The following PIK3CB variants were observed in gnomAD, a reference collection of about 807,000 sequenced individuals.
PIK3CB encodes phosphatidylinositol 4,5-bisphosphate 3-kinase catalytic subunit beta isoform.
In PIK3CB, 39 loss-of-function variants were observed where a neutral mutation model predicts 136.8. The observed-to-expected ratio is 0.29, with a 90% CI of 0.22 to 0.37. The LOEUF is 0.37. PIK3CB is among the 10% of genes least tolerant of loss of function. The pLI, the probability that PIK3CB is intolerant of heterozygous loss-of-function variation, is 1.00. For missense variants in PIK3CB, 868 were observed against 1,275.4 expected (o/e 0.68, Z 4.87); for synonymous variants, 428 against 436.6 (o/e 0.98, Z 0.25).
intron 21 of PIK3CB, among the ~76,000 whole-genome samples, chr3:138,663,069 T>C (rs2043331241): frequency 6.6e-6 from 1 of 152,012 alleles, no homozygotes; most frequent in Admixed American, 6.6e-5. Context: ...GGGATCTAAT[T>C]AAACTAAAGA....
intron 12 of PIK3CB, among the ~76,000 whole-genome samples, chr3:138,701,970 CTCATT>C (rs1292685356): frequency 2.0e-5 from 3 of 149,936 alleles, no homozygotes; most frequent in Non-Finnish European, 3.0e-5. Flanking sequence ...ATATATAGAT[CTCATT>C]TATTTTAAAG....
intron 19 of PIK3CB, among the ~76,000 whole-genome samples, chr3:138,666,674 G>A (rs972839674): frequency 1.3e-5 from 2 of 152,072 alleles, no homozygotes; most frequent in African/African-American, 4.8e-5. Flanking sequence ...ATCTTGAAAG[G>A]TTCAAATAAA....
intron 8 of PIK3CB, among the ~76,000 whole-genome samples, chr3:138,732,774 G>T (rs181423814): frequency 1.3e-5 from 2 of 150,748 alleles, no homozygotes; most frequent in East Asian, 3.9e-4. Flanking sequence ...TCTAGGCAAG[G>T]CTGAGAGAGG....
At chr3:138,659,002 A>G (rs2043238984) in intron 21 of PIK3CB, among the ~76,000 whole-genome samples, 2 of 152,066 alleles carry the variant, frequency 1.3e-5, no homozygotes, top group Non-Finnish European at 2.9e-5. Context: ...TCCCATTTGG[A>G]GCCCGTTTTG....
In PIK3CB at chr3:138,665,032, T is replaced by G. The variant is rs1364223344; in HGVS notation, c.2672+4A>C. The G allele has an allele frequency of 1.3e-6, 2 of 1,589,190 alleles. No homozygotes were observed. The highest frequency in any genetic ancestry group is 2.7e-5 in the African/African-American group (2 of 74,340). On this transcript the variant is annotated splice_donor_region_variant and intron_variant, in intron 20 of 23. Transcript: ENST00000674063. ...AAAATGATAATTAAACAGAATAAAC[T>G]AACCCAGAGTTGTATTCTTTAAGCC...
chr3:138,762,337 G>A (rs497434), intron 2 of PIK3CB, among the ~76,000 whole-genome samples: 9,982 of 152,280 alleles, frequency 0.066, 1,106 homozygotes, highest in African/African-American at 0.22. Context: ...TCCTTGAGGA[G>A]ATATAATGTC....
intron 4 of PIK3CB, among the ~76,000 whole-genome samples, chr3:138,752,031 A>G (rs2045482331): frequency 6.6e-6 from 1 of 151,814 alleles, no homozygotes; most frequent in Admixed American, 6.6e-5. Flanking sequence ...AAGGTATACC[A>G]CAGGTTTAGA....
chr3:138,797,124 T>C, intron 1 of PIK3CB: 1 of 161,208 alleles, frequency 6.2e-6, no homozygotes, highest in East Asian at 1.6e-4. Context: ...GTGAAGAAGC[T>C]CTAGGACACT....
At chr3:138,742,531 A>C in intron 5 of PIK3CB, 27 bp downstream of exon 5, 1 of 1,143,162 alleles carries the variant, frequency 8.7e-7, no homozygotes, top group South Asian at 1.4e-5. Context: ...TTATTACAAA[A>C]TATTTCTTAA....
At chr3:138,824,737 A>T (rs550149822) in intron 1 of PIK3CB, among the ~76,000 whole-genome samples, 6 of 151,730 alleles carry the variant, frequency 4.0e-5, no homozygotes, top group Admixed American at 3.3e-4. Context: ...ATTCTCGGGG[A>T]GAAGGGGGGT....
chr3:138,689,477 G>A (rs1439825145), intron 15 of PIK3CB, among the ~76,000 whole-genome samples: 1 of 152,086 alleles, frequency 6.6e-6, no homozygotes, highest in African/African-American at 2.4e-5. Context: ...ATTTTTAGTA[G>A]AGACAGGGTT....
chr3:138,801,227 T>C (rs1220597507), intron 1 of PIK3CB, among the ~76,000 whole-genome samples: 1 of 152,114 alleles, frequency 6.6e-6, no homozygotes, highest in Non-Finnish European at 1.5e-5. Flanking sequence ...AATGAGGTGA[T>C]ATAGCAAGAG....
At position 138,712,188 on chromosome 3, in the gene PIK3CB, G is replaced by T; in HGVS notation, c.1399+20C>A. ...AAGTTAGTTATGCTTTAACACTAAG[G>T]ATAAGAATGTAAATCTTACCAGGAA... On this transcript the variant is annotated intron_variant, in intron 10 of 23. Transcript: ENST00000674063. 1 of 1,241,000 alleles carries T rather than the reference G, an allele frequency of 8.1e-7. No homozygotes were observed. The highest frequency in any genetic ancestry group is 1.2e-6 in the Non-Finnish European group (1 of 852,054). The allele number at this position is 1,241,000 out of a possible 1,614,324, so 76.9% of individuals were successfully genotyped here. A position where few individuals can be genotyped will look rare whatever the true frequency, so the allele number is the denominator to read the frequency against.
chr3:138,802,914 A>C (rs1204930114), intron 1 of PIK3CB, among the ~76,000 whole-genome samples: 1 of 152,224 alleles, frequency 6.6e-6, no homozygotes, highest in Non-Finnish European at 1.5e-5. Context: ...ACTCTAATAC[A>C]TTAATATAAA....
At chr3:138,706,388 T>C (rs2108557489) in intron 11 of PIK3CB, among the ~76,000 whole-genome samples, 1 of 152,312 alleles carries the variant, frequency 6.6e-6, no homozygotes, top group East Asian at 1.9e-4. Flanking sequence ...AAGAAATATA[T>C]TTAGAAATGA....
Position 138,657,783 on chromosome 3 carries a change from C to A in PIK3CB, c.2849G>T (p.Gly950Val). 1 of 1,612,670 alleles carries A rather than the reference C, an allele frequency of 6.2e-7. No individual in the cohort carries two copies. Among genetic ancestry groups the A allele is most frequent in the East Asian group, 2.2e-5 (1 of 44,862 alleles). Residue 950 changes from glycine (G) to valine (V), a missense_variant, in exon 22 of 24, where the codon GGC becomes GTC. This residue lies in a region of PIK3CB where 88 missense variants were observed against 147.8 expected (regional missense o/e 0.60). Coordinates refer to ENST00000674063, the MANE Select transcript of PIK3CB (RefSeq NM_006219.3). ...AAAAGGCACTCGCTCCCTTTTAATG[C>A]CAAACTTAGATTTGAAATTTCCAAG... is the stretch of plus-strand genomic sequence containing the variant. The part of the protein sequence containing the change: ...HILGNFKSKF[G>V]IKRERVPFIL...
At chr3:138,821,785 A>G (rs1236445712) in intron 1 of PIK3CB, among the ~76,000 whole-genome samples, 1 of 152,066 alleles carries the variant, frequency 6.6e-6, no homozygotes, top group African/African-American at 2.4e-5. Flanking sequence ...ACTCCATTTC[A>G]AAAAATAAAA....
In PIK3CB at chr3:138,773,269, G is replaced by C. The variant is rs190259024; in HGVS notation, c.-16-13910C>G. On this transcript the variant is annotated intron_variant, in intron 2 of 23. Coordinates refer to ENST00000674063, the MANE Select transcript of PIK3CB (RefSeq NM_006219.3). ...CAAAAATTAGTTAGGCGTGTTGTCA[G>C]GCGCCCACCTACTTGGGAGGCTGAG... Among the ~76,000 whole-genome samples the C allele has an allele frequency of 3.3e-5, 5 of 151,976 alleles. No individual in the cohort carries two copies. In the East Asian group the frequency reaches 9.7e-4, roughly 30 times the overall value.
At chr3:138,702,222 C>T (rs1433616208) in intron 12 of PIK3CB, among the ~76,000 whole-genome samples, 1 of 150,894 alleles carries the variant, frequency 6.6e-6, no homozygotes. Flanking sequence ...CAGGTCCATG[C>T]CACCACGCCC....
Sources: allele counts gnomAD v4.1 joint callset (sites outside exome capture counted in the v4.1 genomes callset), GRCh38; gene constraint gnomAD v4.1.1; regional missense constraint gnomAD v4.1.1; transcripts MANE v1.5; gene names NCBI Gene and HGNC (gene_info 2026-07-23, HGNC 2026-07-21).